Variants in GRXCR1 observed in about 807,000 individuals in gnomAD.
The protein encoded by GRXCR1 is glutaredoxin domain-containing cysteine-rich protein 1.
In GRXCR1, 27 loss-of-function variants were observed where a neutral mutation model predicts 27.3. The ratio of observed to expected loss-of-function variants is 0.99; its 90% CI spans 0.73 to 1.37. The LOEUF is 1.37. Ranked by LOEUF, GRXCR1 falls within the 40% of genes most tolerant of loss-of-function variation. The pLI is 0.00. For synonymous variants in GRXCR1, 122 were observed against 131.1 expected (o/e 0.93, Z 0.47); for missense variants, 379 against 354.4 (o/e 1.07, Z -0.56).
intron 3 of GRXCR1, among the ~76,000 whole-genome samples, chr4:43,023,458 G>T (rs1200318402): frequency 6.6e-6 from 1 of 152,170 alleles, no homozygotes; most frequent in East Asian, 1.9e-4. Context: ...GAAAATTGCT[G>T]GGGAAGCTGA....
Position 42,987,256 on chromosome 4 carries a change from T to A in GRXCR1, c.627+24122T>A, listed in dbSNP as rs549147751. Among the ~76,000 whole-genome samples the A allele has an allele frequency of 1.3e-3, 103 of 79,662 alleles. 1 individual carries two copies. The highest frequency in any genetic ancestry group is 8.3e-3 in the South Asian group (24 of 2,880). The allele number at this position is 79,662 out of a possible 152,430, so 52.3% of individuals were successfully genotyped here. ...ATATATATATAATATATAATATATA[T>A]ATATAATATATATATATATATAGAG... On this transcript the variant is annotated intron_variant, in intron 2 of 3. Coordinates refer to ENST00000399770, the MANE Select transcript of GRXCR1 (RefSeq NM_001080476.3).
chr4:42,931,099 T>A (rs1459834580), intron 1 of GRXCR1, among the ~76,000 whole-genome samples: 1 of 151,678 alleles, frequency 6.6e-6, no homozygotes, highest in Non-Finnish European at 1.5e-5. Flanking sequence ...TGGAAAAGGG[T>A]ATAAATACTC....
At chr4:43,025,863 C>G (rs770301471) in intron 3 of GRXCR1, among the ~76,000 whole-genome samples, 4 of 151,700 alleles carry the variant, frequency 2.6e-5, no homozygotes, top group Non-Finnish European at 4.4e-5. Context: ...GTAGTCCCAG[C>G]TACTCGGGAG....
At chr4:43,027,486 T>C (rs1263885752) in intron 3 of GRXCR1, among the ~76,000 whole-genome samples, 1 of 152,234 alleles carries the variant, frequency 6.6e-6, no homozygotes, top group Admixed American at 6.5e-5. Context: ...GTAATATTTG[T>C]AAGTGATGTT....
chr4:42,953,134 T>A (rs934237176), intron 1 of GRXCR1, among the ~76,000 whole-genome samples: 1 of 152,132 alleles, frequency 6.6e-6, no homozygotes, highest in Admixed American at 6.6e-5. Context: ...ACTTACCAGG[T>A]TGCATGGAAA....
chr4:42,951,509 A>G (rs1168975841), intron 1 of GRXCR1, among the ~76,000 whole-genome samples: 1 of 152,196 alleles, frequency 6.6e-6, no homozygotes, highest in African/African-American at 2.4e-5. Flanking sequence ...AAACTGAGTG[A>G]GTCTTAGTTT....
rs1711556138 is a variant in GRXCR1 at position 42,983,466 on chromosome 4, G to A, written c.627+20332G>A. On this transcript the variant is annotated intron_variant, in intron 2 of 3. Coordinates refer to ENST00000399770, the MANE Select transcript of GRXCR1 (RefSeq NM_001080476.3). ...CTGTTTTGGTTACTGTAGCCTTGTA[G>A]TATAGTTTGAAGTCAGGTAGTGTGA... Among the ~76,000 whole-genome samples, 10 of 151,750 alleles carry A rather than the reference G, an allele frequency of 6.6e-5. No individual in the cohort carries two copies. In the South Asian group the frequency reaches 2.1e-3, roughly 32 times the overall value.
At chr4:42,932,186 T>G (rs2109757069) in intron 1 of GRXCR1, among the ~76,000 whole-genome samples, 1 of 151,978 alleles carries the variant, frequency 6.6e-6, no homozygotes, top group East Asian at 2.0e-4. Context: ...TTATTTCTCC[T>G]GTCTTATTGA....
intron 1 of GRXCR1, 35 bp from the exon 2 acceptor site, chr4:42,962,857 G>A (rs913383496): frequency 6.2e-7 from 1 of 1,610,944 alleles, no homozygotes; most frequent in African/African-American, 1.3e-5. Context: ...GAAAGTAAAA[G>A]CAAACATTCT....
At chr4:42,906,773 G>A (rs963803048) in intron 1 of GRXCR1, among the ~76,000 whole-genome samples, 2 of 152,066 alleles carry the variant, frequency 1.3e-5, no homozygotes, top group African/African-American at 4.8e-5. Flanking sequence ...TTATAATACT[G>A]TTTCTTTAAT....
chr4:43,021,919 C>G (rs1713104757), intron 3 of GRXCR1, among the ~76,000 whole-genome samples: 1 of 152,178 alleles, frequency 6.6e-6, no homozygotes, highest in Non-Finnish European at 1.5e-5. Flanking sequence ...CTCAGCTCTG[C>G]TTCTGGCTGT....
chr4:42,894,709 A>C (rs1746310559), intron 1 of GRXCR1, among the ~76,000 whole-genome samples: 1 of 152,098 alleles, frequency 6.6e-6, no homozygotes, highest in Non-Finnish European at 1.5e-5. Context: ...TTTTTAATAT[A>C]TGGCAATTAC....
intron 2 of GRXCR1, among the ~76,000 whole-genome samples, chr4:42,971,273 C>T (rs1232848737): frequency 6.6e-6 from 1 of 152,148 alleles, no homozygotes; most frequent in African/African-American, 2.4e-5. Flanking sequence ...GCCCTCCAAA[C>T]TGTTCCAAAG....
intron 1 of GRXCR1, among the ~76,000 whole-genome samples, chr4:42,938,124 A>G (rs1286599741): frequency 1.3e-5 from 2 of 151,950 alleles, no homozygotes; most frequent in South Asian, 4.1e-4. Flanking sequence ...CTCTATCTCC[A>G]TGAGTACAAT....
intron 2 of GRXCR1, among the ~76,000 whole-genome samples, chr4:43,009,527 G>A (rs367985504): frequency 2.0e-5 from 3 of 152,142 alleles, no homozygotes; most frequent in African/African-American, 7.2e-5. Flanking sequence ...AAACTGGTTG[G>A]CTTACAAACA....
At chr4:42,985,418 G>GA (rs1711683730) in intron 2 of GRXCR1, among the ~76,000 whole-genome samples, 1 of 152,038 alleles carries the variant, frequency 6.6e-6, no homozygotes, top group Non-Finnish European at 1.5e-5. Flanking sequence ...CTGAATCCTG[G>GA]AAAATACATA....
intron 1 of GRXCR1, among the ~76,000 whole-genome samples, chr4:42,941,639 G>A (rs1747626305): frequency 6.6e-6 from 1 of 152,004 alleles, no homozygotes; most frequent in Non-Finnish European, 1.5e-5. Flanking sequence ...CTCCAGAGTT[G>A]TGACCAAACT....
chr4:43,011,993 C>T (rs11941642), intron 2 of GRXCR1, among the ~76,000 whole-genome samples: 3,390 of 152,196 alleles, frequency 0.022, 123 homozygotes, highest in African/African-American at 0.077. Flanking sequence ...CTCCCTCCTG[C>T]GAATGGAATT....
At chr4:42,987,222 T>TTATATTTATATATA (rs1553943895) in intron 2 of GRXCR1, among the ~76,000 whole-genome samples, 2 of 100,594 alleles carry the variant, frequency 2.0e-5, no homozygotes, top group African/African-American at 3.8e-5. Flanking sequence ...TATATATATA[T>TTATATTTATATATA]TATATATTAT....
Sources: gnomAD v4.1 joint callset for allele counts (sites outside exome capture counted in the v4.1 genomes callset) on GRCh38, gnomAD v4.1.1 for gene constraint, MANE v1.5 for transcripts, NCBI Gene and HGNC (gene_info 2026-07-23, HGNC 2026-07-21) for gene names.